HS3ST5: variants seen among roughly 807,000 people sequenced by gnomAD.
HS3ST5 encodes the protein heparan sulfate-glucosamine 3-sulfotransferase 5.
In HS3ST5, 10 loss-of-function variants were observed where a neutral mutation model predicts 25.4. The observed-to-expected ratio is 0.39, with a 90% CI of 0.24 to 0.67. HS3ST5 has a LOEUF of 0.67. HS3ST5 is among the 30% of genes least tolerant of loss of function. HS3ST5 has a pLI of 0.44. For missense variants in HS3ST5, 324 were observed against 420.7 expected (o/e 0.77, Z 2.01); for synonymous variants, 170 against 162.4 (o/e 1.05, Z -0.36).
At chr6:114,315,645 A>G (rs764055919) in intron 1 of HS3ST5, among the ~76,000 whole-genome samples, 1 of 152,200 alleles carries the variant, frequency 6.6e-6, no homozygotes, top group Non-Finnish European at 1.5e-5. Flanking sequence ...AAACAATTTG[A>G]TTATAAAATA....
At chr6:114,110,519 A>T (rs972701811) in intron 3 of HS3ST5, among the ~76,000 whole-genome samples, 1 of 152,226 alleles carries the variant, frequency 6.6e-6, no homozygotes, top group African/African-American at 2.4e-5. Flanking sequence ...GTTAAATGTG[A>T]AAACTAGCCA....
chr6:114,185,374 A>C (rs138552853), intron 2 of HS3ST5, among the ~76,000 whole-genome samples: 1 of 152,328 alleles, frequency 6.6e-6, no homozygotes, highest in Non-Finnish European at 1.5e-5. Flanking sequence ...ATGTGAAGAC[A>C]CAGCAAGAAG....
chr6:114,335,030 A>T (rs555293314), intron 1 of HS3ST5, among the ~76,000 whole-genome samples: 1 of 152,290 alleles, frequency 6.6e-6, no homozygotes, highest in South Asian at 2.1e-4. Context: ...ATGGGTTTTA[A>T]GGCCCAGAAA....
At chr6:114,294,928 T>A (rs1774749625) in intron 1 of HS3ST5, among the ~76,000 whole-genome samples, 1 of 152,238 alleles carries the variant, frequency 6.6e-6, no homozygotes, top group South Asian at 2.1e-4. Flanking sequence ...CGAGGATGTC[T>A]GTGCAATTGA....
intron 1 of HS3ST5, among the ~76,000 whole-genome samples, chr6:114,280,604 C>T (rs1774064253): frequency 6.6e-6 from 1 of 152,036 alleles, no homozygotes; most frequent in Admixed American, 6.6e-5. Context: ...TGCTGCCTTA[C>T]ACATCATAAA....
intron 3 of HS3ST5, among the ~76,000 whole-genome samples, chr6:114,118,934 A>C (rs1165103107): frequency 2.0e-5 from 3 of 152,298 alleles, no homozygotes; most frequent in Admixed American, 2.0e-4. Context: ...CTGGTCCTGG[A>C]CTAAGACCAA....
intron 3 of HS3ST5, among the ~76,000 whole-genome samples, chr6:114,092,030 T>C (rs1775145943): frequency 6.6e-6 from 1 of 152,226 alleles, no homozygotes; most frequent in Non-Finnish European, 1.5e-5. Flanking sequence ...CCTAGACTTT[T>C]ATCTCTTCGT....
chr6:114,298,630 G>A (rs541562963), intron 1 of HS3ST5, among the ~76,000 whole-genome samples: 2 of 152,334 alleles, frequency 1.3e-5, no homozygotes, highest in East Asian at 3.9e-4. Context: ...GTCCTATGTT[G>A]CGGGAAGGCA....
In HS3ST5 at chr6:114,056,213, A is replaced by G. The variant is rs1772765416; in HGVS notation, c.*1044T>C. The stretch of plus-strand genomic sequence containing the variant: ...AGCAACTGCGAGTAAATTAATTGTT[A>G]CAAAGTTGTAGCAGAGCAGCACTAG... On this transcript the variant is annotated 3_prime_UTR_variant, in exon 5 of 5. Transcript: ENST00000312719. 1 of 152,194 alleles carries G rather than the reference A, an allele frequency of 6.6e-6. No individual in the cohort carries two copies. 9.4% of individuals were successfully genotyped at this position (152,194 alleles called of 1,614,324 possible). A position where few individuals can be genotyped will look rare whatever the true frequency, so the allele number is the denominator to read the frequency against.
At chr6:114,096,642 G>T (rs1329110321) in intron 3 of HS3ST5, among the ~76,000 whole-genome samples, 1 of 152,036 alleles carries the variant, frequency 6.6e-6, no homozygotes, top group Admixed American at 6.6e-5. Flanking sequence ...TTAAAAATTG[G>T]GGAAAAAAGT....
At chr6:114,229,904 A>T (rs1283478255) in intron 1 of HS3ST5, among the ~76,000 whole-genome samples, 1 of 152,188 alleles carries the variant, frequency 6.6e-6, no homozygotes, top group African/African-American at 2.4e-5. Context: ...AACAAATAGC[A>T]CTAATGGCTT....
chr6:114,340,312 A>G (rs933684529), intron 1 of HS3ST5, among the ~76,000 whole-genome samples: 2 of 152,248 alleles, frequency 1.3e-5, no homozygotes, highest in African/African-American at 2.4e-5. Flanking sequence ...ATTTGCTTAC[A>G]TACCTATTTG....
intron 1 of HS3ST5, among the ~76,000 whole-genome samples, chr6:114,273,603 G>C (rs897147062): frequency 6.6e-6 from 1 of 152,028 alleles, no homozygotes; most frequent in Non-Finnish European, 1.5e-5. Context: ...AGAGCAGCCC[G>C]TTAGGAAAGT....
chr6:114,209,491 T>C (rs1424613620), intron 2 of HS3ST5, among the ~76,000 whole-genome samples: 4 of 152,128 alleles, frequency 2.6e-5, no homozygotes, highest in African/African-American at 9.7e-5. Context: ...GCTTTTCTAT[T>C]GAGTATTGCT....
intron 1 of HS3ST5, among the ~76,000 whole-genome samples, chr6:114,286,282 C>T (rs1208630035): frequency 6.6e-6 from 1 of 151,758 alleles, no homozygotes; most frequent in Non-Finnish European, 1.5e-5. Flanking sequence ...AATTCATATA[C>T]TCTGGAATGG....
At chr6:114,190,763 T>G (rs529495992) in intron 2 of HS3ST5, among the ~76,000 whole-genome samples, 12 of 152,318 alleles carry the variant, frequency 7.9e-5, no homozygotes, top group South Asian at 2.1e-4. Context: ...TTTGCTATCT[T>G]AACATAAAGC....
At chr6:114,336,676 A>G (rs1414955490) in intron 1 of HS3ST5, among the ~76,000 whole-genome samples, 1 of 152,194 alleles carries the variant, frequency 6.6e-6, no homozygotes, top group Non-Finnish European at 1.5e-5. Context: ...AACTTGCCCA[A>G]GACACCATAG....
At chr6:114,330,855 C>A (rs1186575861) in intron 1 of HS3ST5, among the ~76,000 whole-genome samples, 5 of 152,160 alleles carry the variant, frequency 3.3e-5, no homozygotes, top group Non-Finnish European at 5.9e-5. Flanking sequence ...AAAAGACAGG[C>A]TGATAGAAGG....
At chr6:114,212,580 T>C (rs760333731) in intron 2 of HS3ST5, among the ~76,000 whole-genome samples, 1 of 152,250 alleles carries the variant, frequency 6.6e-6, no homozygotes, top group Non-Finnish European at 1.5e-5. Context: ...CAGTATTATT[T>C]AGCATTTTAA....
Sources: gnomAD v4.1 joint callset for allele counts (sites outside exome capture counted in the v4.1 genomes callset) on GRCh38, gnomAD v4.1.1 for gene constraint, MANE v1.5 for transcripts, NCBI Gene and HGNC (gene_info 2026-07-23, HGNC 2026-07-21) for gene names.